ANK3: variants seen among roughly 807,000 people sequenced by gnomAD.
ANK3 encodes the protein ankyrin-3.
A neutral mutation model predicts 370.9 loss-of-function variants in ANK3; 57 were observed. That is an observed-to-expected ratio of 0.15 (90% confidence interval 0.12 to 0.19). The LOEUF (loss-of-function observed/expected upper bound fraction) is 0.19. Ranked by LOEUF, ANK3 falls within the 10% of genes least tolerant of loss-of-function variation. The pLI is 1.00. For synonymous variants in ANK3, 1,929 were observed against 1,946.3 expected (o/e 0.99, Z 0.23); for missense variants, 4,439 against 5,302.1 (o/e 0.84, Z 5.06).
At chr10:60,494,822 A>T (rs77724535) in intron 2 of ANK3, among the ~76,000 whole-genome samples, 1,563 of 152,266 alleles carry the variant, frequency 0.01, 9 homozygotes, top group Non-Finnish European at 0.018. Flanking sequence ...CATAGCACAG[A>T]TTTGATGGTA....
intron 1 of ANK3, among the ~76,000 whole-genome samples, chr10:60,698,952 T>C (rs1434285676): frequency 1.3e-5 from 2 of 150,900 alleles, no homozygotes; most frequent in Admixed American, 6.6e-5. Flanking sequence ...TAAAACAGAC[T>C]TTGGAGTGAA....
intron 42 of ANK3, among the ~76,000 whole-genome samples, chr10:60,052,945 A>G (rs16914625): frequency 0.014 from 2,091 of 152,238 alleles, 36 homozygotes; most frequent in African/African-American, 0.027. Context: ...TCAACAGTAA[A>G]CTTGACAAGT....
At chr10:60,518,552 C>A (rs2133177028) in intron 2 of ANK3, among the ~76,000 whole-genome samples, 1 of 152,170 alleles carries the variant, frequency 6.6e-6, no homozygotes, top group East Asian at 1.9e-4. Context: ...AGAATCTATA[C>A]CCCAAATGAA....
chr10:60,073,365 T>A lies in ANK3; in HGVS notation c.7516A>T (p.Ile2506Leu). 6.2e-7 allele frequency: 1 copy of A among 1,613,822 alleles called. No homozygotes were observed. Among genetic ancestry groups the A allele is most frequent in the Non-Finnish European group, 8.5e-7 (1 of 1,180,008 alleles). ...ATTTCTTTTTTGGGGGCAGTGGCTATTTTTTCTCTGGACCGCTTATCAGAC... is the reference window on the plus strand; with the variant it reads ...ATTTCTTTTTTGGGGGCAGTGGCTAATTTTTCTCTGGACCGCTTATCAGAC... The part of the protein sequence containing the change: ...QGSDKRSREK[I>L]ATAPKKEILS... Residue 2506 changes from isoleucine (I) to leucine (L), a missense_variant, in exon 37 of 44, where the codon ATA becomes TTA. Around this residue, in one of 13 missense-constraint regions of ANK3, gnomAD observed 1,601 missense variants for 1,731.7 expected, o/e 0.92. Coordinates refer to ENST00000280772, the MANE Select transcript of ANK3 (RefSeq NM_020987.5).
chr10:60,721,039 G>C (rs1249055273), intron 1 of ANK3, among the ~76,000 whole-genome samples: 1 of 152,194 alleles, frequency 6.6e-6, no homozygotes, highest in Non-Finnish European at 1.5e-5. Flanking sequence ...TCCTAGATGT[G>C]AGTAAGCAGA....
intron 1 of ANK3, among the ~76,000 whole-genome samples, chr10:60,632,611 G>A (rs1183052359): frequency 6.6e-6 from 1 of 152,004 alleles, no homozygotes; most frequent in Non-Finnish European, 1.5e-5. Flanking sequence ...AATTAGCTGG[G>A]CATGGTGGTT....
chr10:60,110,945 A>G (rs923248387), intron 26 of ANK3, among the ~76,000 whole-genome samples: 1 of 152,198 alleles, frequency 6.6e-6, no homozygotes, highest in African/African-American at 2.4e-5. Context: ...TCAACAATAT[A>G]GAGAGTAATT....
chr10:60,091,262 T>A (rs940693317), intron 28 of ANK3, among the ~76,000 whole-genome samples: 2 of 152,214 alleles, frequency 1.3e-5, no homozygotes, highest in African/African-American at 4.8e-5. Flanking sequence ...AATAAGGGAA[T>A]GGTTACATAA....
At chr10:60,188,769 C>A (rs899306701) in intron 16 of ANK3, among the ~76,000 whole-genome samples, 3 of 152,140 alleles carry the variant, frequency 2.0e-5, no homozygotes, top group Non-Finnish European at 4.4e-5. Flanking sequence ...ATTTTATATC[C>A]CTATTTTTAA....
chr10:60,382,509 C>T (rs1489581625), intron 1 of ANK3, among the ~76,000 whole-genome samples: 3 of 152,026 alleles, frequency 2.0e-5, no homozygotes, highest in East Asian at 3.9e-4. Flanking sequence ...CAATAATGGA[C>T]GATCCCATTT....
chr10:60,601,557 G>T (rs1036050496), intron 2 of ANK3, among the ~76,000 whole-genome samples: 1 of 151,952 alleles, frequency 6.6e-6, no homozygotes, highest in Non-Finnish European at 1.5e-5. Flanking sequence ...CCTCAAGACC[G>T]TCAAGGTCAT....
At chr10:60,620,060 TATTACTACAA>T (rs1238166642) in intron 1 of ANK3, among the ~76,000 whole-genome samples, 1 of 152,186 alleles carries the variant, frequency 6.6e-6, no homozygotes, top group Non-Finnish European at 1.5e-5. Flanking sequence ...GGAATTATAA[TATTACTACAA>T]ATGCTAAATT....
At position 60,093,187 on chromosome 10, in the gene ANK3, T is replaced by A. The variant is rs564844545; in HGVS notation, c.3329-4829A>T. 3.3e-5 allele frequency among the ~76,000 whole-genome samples: 5 copies of A among 152,348 alleles called. 1 individual carries two copies. The South Asian group carries it at 8.3e-4, about 25-fold the overall frequency. ...GAAAGCAAATATATTTCCCTCTCCA[T>A]GATTTGGCTTAAGAGAGTGAATTCC... On this transcript the variant is annotated intron_variant, in intron 28 of 43. Transcript: ENST00000280772.
chr10:60,301,413 A>AT (rs769439635), intron 1 of ANK3, among the ~76,000 whole-genome samples: 2,708 of 123,800 alleles, frequency 0.022, 107 homozygotes, highest in African/African-American at 0.07. Context: ...CACAATATAC[A>AT]TTTTTTTTTT....
intron 2 of ANK3, among the ~76,000 whole-genome samples, chr10:60,495,992 T>C (rs58209434): frequency 6.8e-6 from 1 of 147,732 alleles, no homozygotes; most frequent in African/African-American, 2.5e-5. Context: ...TTTTTTTTTT[T>C]TCTCTTGTTT....
intron 2 of ANK3, among the ~76,000 whole-genome samples, chr10:60,526,641 C>A (rs776266711): frequency 6.6e-6 from 1 of 152,088 alleles, no homozygotes; most frequent in Admixed American, 6.6e-5. Flanking sequence ...AGATAATCAG[C>A]TTTTCCCAGT....
rs933412237 is a variant in ANK3 at position 60,059,613 on chromosome 10, G to C, written c.12596-183C>G. 4.1e-6 allele frequency: 6 copies of C among 1,450,570 alleles called. No homozygotes were observed. The African/African-American group carries it at 7.0e-5, about 17-fold the overall frequency. 89.9% of individuals were successfully genotyped at this position (1,450,570 alleles called of 1,614,324 possible). A position where few individuals can be genotyped will look rare whatever the true frequency, so the allele number is the denominator to read the frequency against. ...AGATTTTCCTTTCTCCTGCTGCTCA[G>C]AGCTTACTCCTAGTTTTCTAGGCTC... is the stretch of plus-strand genomic sequence containing the variant. On this transcript the variant is annotated intron_variant, in intron 40 of 43. Coordinates refer to ENST00000280772, the MANE Select transcript of ANK3 (RefSeq NM_020987.5).
At chr10:60,233,342 G>GT (rs1266651270) in intron 8 of ANK3, among the ~76,000 whole-genome samples, 1 of 152,164 alleles carries the variant, frequency 6.6e-6, no homozygotes, top group Non-Finnish European at 1.5e-5. Flanking sequence ...CTAAGTCTTG[G>GT]TTTTTTCCCC....
At chr10:60,601,335 G>A (rs534969237) in intron 2 of ANK3, among the ~76,000 whole-genome samples, 143 of 151,862 alleles carry the variant, frequency 9.4e-4, no homozygotes, top group African/African-American at 3.3e-3. Context: ...AAGTTATAAC[G>A]CAAAACATGG....
Sources: gnomAD v4.1 joint callset for allele counts (sites outside exome capture counted in the v4.1 genomes callset) on GRCh38, gnomAD v4.1.1 for gene constraint, gnomAD v4.1.1 regional missense constraint, MANE v1.5 for transcripts, NCBI Gene and HGNC (gene_info 2026-07-23, HGNC 2026-07-21) for gene names.